The following CSF2RA variants were observed in gnomAD, a reference collection of about 807,000 sequenced individuals.
The protein encoded by CSF2RA is granulocyte-macrophage colony-stimulating factor receptor subunit alpha.
In CSF2RA, 42 loss-of-function variants were observed where a neutral mutation model predicts 51.6. The observed-to-expected ratio is 0.81, with a 90% CI of 0.64 to 1.05. The LOEUF is 1.05. Among genes scored for constraint, CSF2RA ranks in the 50% least tolerant of loss-of-function variants. CSF2RA has a pLI of 0.00. For missense variants in CSF2RA, 530 were observed against 501.1 expected, an observed-to-expected ratio of 1.06 and a Z score of -0.55; for synonymous variants, 222 against 193.0, an observed-to-expected ratio of 1.15 and a Z score of -1.24.
chrX:1,305,693 G>T (rs778723365), intron 12 of CSF2RA, 166 bp downstream of exon 12: 42 of 1,565,440 alleles, frequency 2.7e-5, no homozygotes, highest in Non-Finnish European at 3.6e-5. Flanking sequence ...CTTCTCCCGG[G>T]TCGGGGTCTT....
the CSF2RA span, among the ~76,000 whole-genome samples, chrX:1,318,511 C>T: frequency 6.6e-6 from 1 of 151,958 alleles, no homozygotes; most frequent in South Asian, 2.1e-4. Flanking sequence ...GCACCTTCTC[C>T]TCTTACCCCC....
At chrX:1,269,097 A>G (rs1256977104) in intron 1 of CSF2RA, among the ~76,000 whole-genome samples, 5 of 152,034 alleles carry the variant, frequency 3.3e-5, no homozygotes, top group Non-Finnish European at 4.4e-5. Context: ...CAGGTTTTTA[A>G]AGGCAAAATT....
chrX:1,295,469 A>G lies in CSF2RA; in HGVS notation c.810+13A>G, dbSNP rs753827774. 3.7e-6 allele frequency: 6 copies of G among 1,613,378 alleles called. No homozygotes were observed. The South Asian group carries it at 6.6e-5, about 18-fold the overall frequency. ...GGAAAACCTACTGGTAAGTGAAACC[A>G]CAGACCCTACTGACAACCCTCAGCG... is the stretch of plus-strand genomic sequence containing the variant. On this transcript the variant is annotated intron_variant, in intron 9 of 12. Coordinates refer to ENST00000381529, the MANE Select transcript of CSF2RA (RefSeq NM_172245.4).
chrX:1,322,124 G>T, the CSF2RA span, among the ~76,000 whole-genome samples: 444 of 43,228 alleles, frequency 0.01, 3 homozygotes, highest in African/African-American at 0.026. Context: ...ATTTATTTTT[G>T]AGACAGTGTC....
chrX:1,323,746 G>A, the CSF2RA span, among the ~76,000 whole-genome samples: 1 of 152,020 alleles, frequency 6.6e-6, no homozygotes, highest in African/African-American at 2.4e-5. Flanking sequence ...TGGGCGCAGT[G>A]GCTCACGCCT....
chrX:1,288,460 A>C, intron 4 of CSF2RA, 59 bp from the exon 5 acceptor site: 1 of 1,612,282 alleles, frequency 6.2e-7, no homozygotes, highest in Non-Finnish European at 8.5e-7. Flanking sequence ...CCAGCCTGGG[A>C]GACTGTAGGA....
At position 1,285,780 on chromosome X, in the gene CSF2RA, C is replaced by T; in HGVS notation, c.79C>T (p.Leu27=). The T allele has an allele frequency of 6.3e-7, 1 of 1,588,278 alleles. No homozygotes were observed. The highest frequency in any genetic ancestry group is 1.7e-4 in the Middle Eastern group (1 of 5,754). Residue 27 remains leucine (L), a splice_region_variant and synonymous_variant, in exon 4 of 13, where the codon CTG becomes TTG. Transcript: ENST00000381529. ...AACCCAGTGCCCGCTCCTTGCAGAT[C>T]TGCGAACAGTGGCACCAGCCTCTAG... ...AFLLIPEKSD[L]RTVAPASSLN... is the part of the protein sequence containing the mutation.
At chrX:1,317,747 G>C in the CSF2RA span, among the ~76,000 whole-genome samples, 5 of 151,688 alleles carry the variant, frequency 3.3e-5, no homozygotes, top group African/African-American at 1.2e-4. Context: ...TGGAAGAAGA[G>C]GAAGAAGAGA....
At chrX:1,289,964 T>TG (rs1174831273) in intron 6 of CSF2RA, among the ~76,000 whole-genome samples, 3 of 151,588 alleles carry the variant, frequency 2.0e-5, no homozygotes, top group African/African-American at 7.2e-5. Flanking sequence ...TTTGTGTTTG[T>TG]TTTTGTTTTG....
chrX:1,287,506 T>C (rs1297801980), intron 4 of CSF2RA, among the ~76,000 whole-genome samples: 2 of 149,544 alleles, frequency 1.3e-5, no homozygotes, highest in Non-Finnish European at 3.0e-5. Flanking sequence ...TGCACTGGCG[T>C]GATCTCAGCT....
Position 1,292,259 on chromosome X carries a change from C to A in CSF2RA, c.646+1750C>A, listed in dbSNP as rs1376229696. On this transcript the variant is annotated intron_variant, in intron 7 of 12. Coordinates refer to ENST00000381529, the MANE Select transcript of CSF2RA (RefSeq NM_172245.4). ...TGGACACAGTGTAGACAGGAGGAGA[C>A]CCTGCCCCACCTCTACCTGGACCCA... Among the ~76,000 whole-genome samples the A allele has an allele frequency of 6.1e-5, 9 of 146,748 alleles. No homozygotes were observed. In the East Asian group the frequency reaches 1.8e-3, roughly 30 times the overall value.
intron 2 of CSF2RA, among the ~76,000 whole-genome samples, chrX:1,280,976 G>T (rs867573527): frequency 0.012 from 145 of 12,088 alleles, 6 homozygotes; most frequent in African/African-American, 0.035. Flanking sequence ...TCCTCCTCCT[G>T]CTTCTCCTCC....
chrX:1,324,184 T>C, the CSF2RA span, among the ~76,000 whole-genome samples: 77 of 149,844 alleles, frequency 5.1e-4, no homozygotes, highest in African/African-American at 1.8e-3. Context: ...AACTCTGCCT[T>C]TAAAAACAAA....
chrX:1,273,676 G>A (rs2088755411), intron 1 of CSF2RA, among the ~76,000 whole-genome samples: 3 of 151,000 alleles, frequency 2.0e-5, no homozygotes, highest in Admixed American at 6.7e-5. Flanking sequence ...TGCTTCCCAG[G>A]TTCAAGTGAT....
chrX:1,314,869 CG>C (rs1569515065), downstream of CSF2RA, among the ~76,000 whole-genome samples: 32 of 81,334 alleles, frequency 3.9e-4, 2 homozygotes, highest in African/African-American at 1.1e-3. Flanking sequence ...CCTGCCCAAC[CG>C]CACTGCACCT....
intron 6 of CSF2RA, chrX:1,289,190 C>G: frequency 7.0e-6 from 3 of 425,650 alleles, no homozygotes; most frequent in South Asian, 6.7e-5. Context: ...GTGATGTGAT[C>G]TCAGCTCCCT....
intron 4 of CSF2RA, among the ~76,000 whole-genome samples, chrX:1,286,964 CA>C (rs1459838731): frequency 6.6e-6 from 1 of 151,372 alleles, no homozygotes; most frequent in Non-Finnish European, 1.5e-5. Flanking sequence ...GAGGGAGAAA[CA>C]CAGAGAAAGG....
chrX:1,287,493 G>C (rs1385529816), intron 4 of CSF2RA, among the ~76,000 whole-genome samples: 3 of 149,842 alleles, frequency 2.0e-5, no homozygotes, highest in Non-Finnish European at 1.5e-5. Flanking sequence ...GCCCAGGCTG[G>C]AGTGCACTGG....
the CSF2RA span, among the ~76,000 whole-genome samples, chrX:1,325,018 T>C: frequency 6.6e-6 from 1 of 151,926 alleles, no homozygotes; most frequent in Non-Finnish European, 1.5e-5. Flanking sequence ...GGTTCTCTCT[T>C]CTTTTAAAGG....
Sources: allele counts gnomAD v4.1 joint callset (sites outside exome capture counted in the v4.1 genomes callset), GRCh38; gene constraint gnomAD v4.1.1; transcripts MANE v1.5; gene names NCBI Gene and HGNC (gene_info 2026-07-23, HGNC 2026-07-21).